KCNH7: variants seen among roughly 807,000 people sequenced by gnomAD.
KCNH7 encodes the protein potassium voltage-gated channel subfamily H member 7.
KCNH7 carries 49 observed loss-of-function variants against 120.8 expected under a neutral mutation model. That is an observed-to-expected ratio of 0.41 (90% confidence interval 0.32 to 0.51). The LOEUF is 0.51. Ranked by LOEUF, KCNH7 falls within the 20% of genes least tolerant of loss-of-function variation. The pLI is 0.38. For synonymous variants in KCNH7, 547 were observed against 516.1 expected (o/e 1.06, Z -0.81); for missense variants, 1,097 against 1,446.6 (o/e 0.76, Z 3.92).
chr2:162,701,942 G>A (rs896296731), intron 2 of KCNH7, among the ~76,000 whole-genome samples: 10 of 151,868 alleles, frequency 6.6e-5, no homozygotes, highest in Non-Finnish European at 1.5e-4. Context: ...GGGAGGCGGA[G>A]GTTGCAGTGA....
chr2:162,397,008 A>G, intron 10 of KCNH7, 63 bp from the exon 11 acceptor site: 2 of 1,091,790 alleles, frequency 1.8e-6, no homozygotes, highest in East Asian at 2.5e-5. Flanking sequence ...TCTCCTTCTA[A>G]AAGTAGAAGG....
chr2:162,693,419 A>T (rs1201381419), intron 2 of KCNH7, among the ~76,000 whole-genome samples: 12 of 152,180 alleles, frequency 7.9e-5, no homozygotes, highest in Admixed American at 7.9e-4. Flanking sequence ...ACAGCATGAC[A>T]TTTGTGTTTT....
Position 162,517,984 on chromosome 2 carries a change from G to T in KCNH7, c.638C>A (p.Ala213Glu). 1 of 1,612,458 alleles carries T rather than the reference G, an allele frequency of 6.2e-7. No individual in the cohort carries two copies. Among genetic ancestry groups the T allele is most frequent in the Non-Finnish European group, 8.5e-7 (1 of 1,178,886 alleles). The change falls in exon 4 of 16, where the codon GCA becomes GAA. Residue 213 changes from alanine to glutamate, a missense_variant. By Grantham distance (107) the Ala-to-Glu change is moderately radical. Coordinates refer to ENST00000332142, the MANE Select transcript of KCNH7 (RefSeq NM_033272.4). The stretch of plus-strand genomic sequence containing the variant: ...CTGTATCAAAGCTTTTGTGTCATCT[G>T]CTTCAGAGGGGCTGCAGCTTTCTTT... ...PTKESCSPSEADDTKALIQPS... is the reference protein window; with the variant it reads ...PTKESCSPSEEDDTKALIQPS...
intron 6 of KCNH7, among the ~76,000 whole-genome samples, chr2:162,503,295 T>G (rs1051408035): frequency 1.3e-5 from 2 of 151,840 alleles, no homozygotes; most frequent in Non-Finnish European, 2.9e-5. Context: ...TAAAAACAAT[T>G]GAAAGGAAAA....
At chr2:162,662,985 T>A (rs1685017869) in intron 2 of KCNH7, among the ~76,000 whole-genome samples, 1 of 152,216 alleles carries the variant, frequency 6.6e-6, no homozygotes, top group African/African-American at 2.4e-5. Flanking sequence ...CAATTATTTA[T>A]CTTGGCCTTA....
chr2:162,440,961 T>A (rs16846693), intron 7 of KCNH7, among the ~76,000 whole-genome samples: 11,231 of 152,132 alleles, frequency 0.074, 1,325 homozygotes, highest in African/African-American at 0.25. Flanking sequence ...CCAAGGGTTA[T>A]ACTTTATGCC....
intron 2 of KCNH7, among the ~76,000 whole-genome samples, chr2:162,791,620 A>T (rs1483650781): frequency 6.6e-6 from 1 of 152,076 alleles, no homozygotes; most frequent in African/African-American, 2.4e-5. Flanking sequence ...TGATTTTTGC[A>T]CATTGATTTT....
chr2:162,838,525 C>T lies in KCNH7; in HGVS notation c.-7G>A. On this transcript the variant is annotated 5_prime_UTR_variant, in exon 1 of 16. Coordinates refer to ENST00000332142, the MANE Select transcript of KCNH7 (RefSeq NM_033272.4). ...GCCCCCTGCGCACAGGCATGTTGGC[C>T]CCGGTCTTCCGAGGAGCGCTCCCCC... 2 of 1,610,802 alleles carry T rather than the reference C, an allele frequency of 1.2e-6. No homozygotes were observed. The highest frequency in any genetic ancestry group is 1.7e-6 in the Non-Finnish European group (2 of 1,178,906).
chr2:162,816,307 C>T (rs1684917688), intron 2 of KCNH7, among the ~76,000 whole-genome samples: 1 of 148,822 alleles, frequency 6.7e-6, no homozygotes, highest in Non-Finnish European at 1.5e-5. Flanking sequence ...AGAAATCTGC[C>T]TTACATTCCT....
intron 2 of KCNH7, among the ~76,000 whole-genome samples, chr2:162,586,500 A>G (rs947580234): frequency 6.6e-6 from 1 of 152,054 alleles, no homozygotes; most frequent in Non-Finnish European, 1.5e-5. Context: ...CCTGGGAGTG[A>G]TGCCAGGTGA....
intron 2 of KCNH7, among the ~76,000 whole-genome samples, chr2:162,694,645 A>T (rs1686226105): frequency 6.6e-6 from 1 of 152,060 alleles, no homozygotes; most frequent in Non-Finnish European, 1.5e-5. Flanking sequence ...ATAGAGGAAA[A>T]CCTTTGGCAA....
chr2:162,576,949 T>C (rs1041766155), intron 2 of KCNH7, among the ~76,000 whole-genome samples: 3 of 151,958 alleles, frequency 2.0e-5, no homozygotes, highest in Non-Finnish European at 4.4e-5. Context: ...TCTTGCTCTG[T>C]TGCCCGGGCT....
chr2:162,522,424 C>T (rs1257196954), intron 3 of KCNH7, among the ~76,000 whole-genome samples: 1 of 151,844 alleles, frequency 6.6e-6, no homozygotes, highest in Non-Finnish European at 1.5e-5. Context: ...TTCTGCATCA[C>T]TAGGTTAATA....
intron 2 of KCNH7, among the ~76,000 whole-genome samples, chr2:162,632,157 T>C (rs1683794120): frequency 6.6e-6 from 1 of 151,918 alleles, no homozygotes; most frequent in South Asian, 2.1e-4. Context: ...CTGAAAGACA[T>C]AAAATGATTC....
intron 2 of KCNH7, among the ~76,000 whole-genome samples, chr2:162,574,532 T>C (rs753152165): frequency 2.0e-5 from 3 of 152,140 alleles, no homozygotes; most frequent in Non-Finnish European, 4.4e-5. Flanking sequence ...ATTTAATTAA[T>C]AGACTGTAAT....
At chr2:162,409,178 A>G (rs963385620) in intron 9 of KCNH7, among the ~76,000 whole-genome samples, 1 of 151,914 alleles carries the variant, frequency 6.6e-6, no homozygotes, top group African/African-American at 2.4e-5. Flanking sequence ...GAATATATAA[A>G]TCTTTCAAAG....
At chr2:162,462,917 A>C (rs1360774347) in intron 6 of KCNH7, among the ~76,000 whole-genome samples, 1 of 152,092 alleles carries the variant, frequency 6.6e-6, no homozygotes, top group Admixed American at 6.6e-5. Context: ...AAACTTAAAC[A>C]AAAGGAATAC....
intron 2 of KCNH7, among the ~76,000 whole-genome samples, chr2:162,781,966 AACTG>A (rs1293476626): frequency 6.6e-6 from 1 of 152,212 alleles, no homozygotes; most frequent in Non-Finnish European, 1.5e-5. Context: ...CACGATGAAA[AACTG>A]ACTGGAATTT....
intron 6 of KCNH7, among the ~76,000 whole-genome samples, chr2:162,483,648 A>G (rs1281554809): frequency 6.6e-6 from 1 of 152,050 alleles, no homozygotes; most frequent in African/African-American, 2.4e-5. Context: ...TTTGCTGGGT[A>G]TATTTTCAGA....
Sources: allele counts gnomAD v4.1 joint callset (sites outside exome capture counted in the v4.1 genomes callset), GRCh38; gene constraint gnomAD v4.1.1; transcripts MANE v1.5; gene names NCBI Gene and HGNC (gene_info 2026-07-23, HGNC 2026-07-21).